Variants in FRAS1 observed in about 807,000 individuals in gnomAD.
FRAS1 encodes the protein Fraser extracellular matrix complex subunit 1, also known as extracellular matrix organizing protein FRAS1.
In FRAS1, 290 loss-of-function variants were observed where a neutral mutation model predicts 435.2. The ratio of observed to expected loss-of-function variants is 0.67; its 90% CI spans 0.61 to 0.73. FRAS1 has a LOEUF of 0.73. Among genes scored for constraint, FRAS1 ranks in the 30% least tolerant of loss-of-function variants. FRAS1 has a pLI of 0.00. For missense variants in FRAS1, 4,860 were observed against 5,001.5 expected, an observed-to-expected ratio of 0.97 and a Z score of 0.85; for synonymous variants, 1,800 against 1,851.0, an observed-to-expected ratio of 0.97 and a Z score of 0.71.
Position 78,264,988 on chromosome 4 carries a change from C to G in FRAS1, c.604-37C>G, listed in dbSNP as rs752648953. The G allele has an allele frequency of 7.7e-5, 99 of 1,278,564 alleles. No individual in the cohort carries two copies. The South Asian group carries it at 1.1e-3, about 15-fold the overall frequency. The allele number at this position is 1,278,564 out of a possible 1,614,324, so 79.2% of individuals were successfully genotyped here. On this transcript the variant is annotated intron_variant, in intron 6 of 73. Coordinates refer to ENST00000512123, the MANE Select transcript of FRAS1 (RefSeq NM_025074.7). Reference sequence around the variant, plus strand: ...CTGCTGTTGTGGATCTTATTAATATCACTTTGTGATGGATTGTTCCTGTTC... The same window carrying G: ...CTGCTGTTGTGGATCTTATTAATATGACTTTGTGATGGATTGTTCCTGTTC...
intron 64 of FRAS1, 146 bp from the exon 65 acceptor site, chr4:78,513,246 G>C: frequency 1.4e-6 from 1 of 709,002 alleles, no homozygotes; most frequent in Non-Finnish European, 2.4e-6. Flanking sequence ...CCCCTGTTCA[G>C]ATAGAAATCC....
rs529361424 is a variant in FRAS1, at chr4:78,154,770, T to A, written c.109-82740T>A. Among the ~76,000 whole-genome samples, 14 of 152,284 alleles carry A rather than the reference T, an allele frequency of 9.2e-5. No homozygotes were observed. The East Asian group carries it at 2.7e-3, about 29-fold the overall frequency. ...ACTGGAAATCTTAGCAGTTGGGTAG[T>A]TAAAAACAAACAAAGCAGAATTATC... On this transcript the variant is annotated intron_variant, in intron 2 of 73. Coordinates refer to ENST00000512123, the MANE Select transcript of FRAS1 (RefSeq NM_025074.7).
intron 15 of FRAS1, 84 bp downstream of exon 15, chr4:78,308,293 C>G: frequency 7.3e-7 from 1 of 1,369,968 alleles, no homozygotes; most frequent in Non-Finnish European, 1.0e-6. Flanking sequence ...TAGCACATTA[C>G]CAATGTTTCT....
At chr4:78,424,004 G>A (rs1204159547) in intron 34 of FRAS1, among the ~76,000 whole-genome samples, 4 of 152,140 alleles carry the variant, frequency 2.6e-5, no homozygotes, top group Admixed American at 1.3e-4. Context: ...GTAAATCAAT[G>A]TCTCGGCATC....
At chr4:78,248,295 G>A (rs1010347504) in intron 4 of FRAS1, among the ~76,000 whole-genome samples, 2 of 152,234 alleles carry the variant, frequency 1.3e-5, no homozygotes, top group Admixed American at 1.3e-4. Context: ...AGCCAGGGAG[G>A]CAAGCCTCAA....
chr4:78,484,649 A>G (rs1440042940), intron 58 of FRAS1, among the ~76,000 whole-genome samples: 2 of 152,198 alleles, frequency 1.3e-5, no homozygotes, highest in Non-Finnish European at 2.9e-5. Context: ...ACCATGAACA[A>G]GATTATGACA....
At chr4:78,206,936 G>A (rs1381027353) in intron 2 of FRAS1, among the ~76,000 whole-genome samples, 1 of 152,196 alleles carries the variant, frequency 6.6e-6, no homozygotes, top group Non-Finnish European at 1.5e-5. Flanking sequence ...AGGTGATTGT[G>A]ACCTTTCTGA....
At chr4:78,341,919 T>C (rs1195057140) in intron 20 of FRAS1, among the ~76,000 whole-genome samples, 1 of 152,218 alleles carries the variant, frequency 6.6e-6, no homozygotes, top group African/African-American at 2.4e-5. Flanking sequence ...CCTCTCTCAG[T>C]GTTGCCCTGA....
rs576816289 is a variant in FRAS1 at position 78,126,804 on chromosome 4, G to C, written c.108+60788G>C. On this transcript the variant is annotated intron_variant, in intron 2 of 73. Transcript: ENST00000512123. ...AGGAAGAAAGTGTTATTGATATAGA[G>C]TACCATTAACCAACTTTGTGTGTAT... Among the ~76,000 whole-genome samples the C allele has an allele frequency of 7.9e-5, 12 of 152,274 alleles. 1 individual carries two copies. The highest frequency in any genetic ancestry group is 2.9e-4 in the African/African-American group (12 of 41,542).
At chr4:78,096,555 T>A (rs1327962963) in intron 2 of FRAS1, among the ~76,000 whole-genome samples, 1 of 152,192 alleles carries the variant, frequency 6.6e-6, no homozygotes, top group African/African-American at 2.4e-5. Context: ...TCCTATGAAA[T>A]CTAGGTGGGG....
At chr4:78,139,769 A>C (rs1299602005) in intron 2 of FRAS1, among the ~76,000 whole-genome samples, 1 of 152,222 alleles carries the variant, frequency 6.6e-6, no homozygotes, top group Non-Finnish European at 1.5e-5. Context: ...CAGAAGGTTG[A>C]ATTATGCTAA....
At chr4:78,312,670 TA>T (rs999875110) in intron 15 of FRAS1, among the ~76,000 whole-genome samples, 206 of 142,602 alleles carry the variant, frequency 1.4e-3, no homozygotes, top group Admixed American at 1.3e-3. Flanking sequence ...CTACTAAAAA[TA>T]AAAAAAAAAA....
chr4:78,190,453 T>A lies in FRAS1; in HGVS notation c.109-47057T>A, dbSNP rs189758305. On this transcript the variant is annotated intron_variant, in intron 2 of 73. Coordinates refer to ENST00000512123, the MANE Select transcript of FRAS1 (RefSeq NM_025074.7). ...TTCATTTCCCCCATTCACTGCTTTT[T>A]TTTTTCTTCCCATTGTTTGGTTATT... Among the ~76,000 whole-genome samples, 603 of 152,226 alleles carry A rather than the reference T, an allele frequency of 4.0e-3. 2 individuals carry two copies. The highest frequency in any genetic ancestry group is 9.5e-3 in the South Asian group (46 of 4,820).
intron 19 of FRAS1, among the ~76,000 whole-genome samples, chr4:78,335,270 TG>T (rs968186947): frequency 5.9e-5 from 9 of 152,188 alleles, no homozygotes; most frequent in African/African-American, 2.2e-4. Flanking sequence ...ATCCTGCAGG[TG>T]GGCTCTTCAT....
chr4:78,255,356 A>C lies in FRAS1; in HGVS notation c.584A>C (p.Gln195Pro). ...GVAQCFTAQCQPLFCNQDETV... is the reference protein window; with the variant it reads ...GVAQCFTAQCPPLFCNQDETV... ...GCCCAGTGCTTCACAGCTCAGTGTCAGCCTCTATTTTGTAACCAGGTAAGG... is the reference window on the plus strand; with the variant it reads ...GCCCAGTGCTTCACAGCTCAGTGTCCGCCTCTATTTTGTAACCAGGTAAGG... Residue 195 changes from glutamine to proline, a missense_variant, in exon 6 of 74, where the codon CAG becomes CCG. Transcript: ENST00000512123. 6.3e-7 allele frequency: 1 copy of C among 1,593,136 alleles called. No individual in the cohort carries two copies. Among genetic ancestry groups the C allele is most frequent in the Middle Eastern group, 1.7e-4 (1 of 6,034 alleles).
chr4:78,514,000 A>G (rs1330107570), intron 65 of FRAS1, among the ~76,000 whole-genome samples: 1 of 152,358 alleles, frequency 6.6e-6, no homozygotes, highest in East Asian at 1.9e-4. Flanking sequence ...GTTCTCCAGA[A>G]GCAGGAGCTG....
chr4:78,395,674 C>T (rs1169880117), intron 29 of FRAS1, among the ~76,000 whole-genome samples: 1 of 151,930 alleles, frequency 6.6e-6, no homozygotes, highest in Non-Finnish European at 1.5e-5. Context: ...ATATAGGCAT[C>T]TCTGTTCTCT....
intron 2 of FRAS1, among the ~76,000 whole-genome samples, chr4:78,227,460 A>C (rs771619616): frequency 6.6e-6 from 1 of 152,222 alleles, no homozygotes; most frequent in African/African-American, 2.4e-5. Context: ...CATGAGGCTG[A>C]GTCACTGGCA....
At chr4:78,410,543 C>T (rs889930618) in intron 31 of FRAS1, among the ~76,000 whole-genome samples, 1 of 152,056 alleles carries the variant, frequency 6.6e-6, no homozygotes, top group South Asian at 2.1e-4. Flanking sequence ...ACACATTTTG[C>T]TCAAAATGTG....
Sources: gnomAD v4.1 joint callset for allele counts (sites outside exome capture counted in the v4.1 genomes callset) on GRCh38, gnomAD v4.1.1 for gene constraint, MANE v1.5 for transcripts, NCBI Gene and HGNC (gene_info 2026-07-23, HGNC 2026-07-21) for gene names.